The following GAB1 variants were observed in gnomAD, a reference collection of about 807,000 sequenced individuals.
GAB1 encodes the protein GRB2-associated-binding protein 1.
Under a neutral mutation model 66.5 loss-of-function variants are expected in GAB1, and 19 were observed. The observed-to-expected ratio is 0.29, with a 90% CI of 0.20 to 0.42. The LOEUF (loss-of-function observed/expected upper bound fraction) is 0.42. GAB1 is among the 10% of genes least tolerant of loss of function. The pLI, the probability that GAB1 is intolerant of heterozygous loss-of-function variation, is 1.00. For synonymous variants in GAB1, 294 were observed against 301.4 expected, an observed-to-expected ratio of 0.98 and a Z score of 0.25; for missense variants, 732 against 858.5, an observed-to-expected ratio of 0.85 and a Z score of 1.84.
At chr4:143,395,544 G>A (rs1731404676) in intron 1 of GAB1, 3 of 195,154 alleles carry the variant, frequency 1.5e-5, no homozygotes, top group Non-Finnish European at 3.2e-5. Context: ...TGTTTTCGTG[G>A]ATTAGTATTT....
intron 6 of GAB1, among the ~76,000 whole-genome samples, chr4:143,446,935 G>A (rs1295497209): frequency 1.6e-4 from 24 of 151,484 alleles, no homozygotes; most frequent in East Asian, 3.9e-4. Context: ...TAGGTCTAAC[G>A]TTTAAGTCTT....
chr4:143,423,340 T>C (rs912156298), intron 2 of GAB1, among the ~76,000 whole-genome samples: 3 of 152,138 alleles, frequency 2.0e-5, no homozygotes, highest in African/African-American at 7.2e-5. Context: ...TGTTTAAAGG[T>C]CTTTTCATGA....
At chr4:143,447,388 T>C (rs1734618860) in intron 6 of GAB1, among the ~76,000 whole-genome samples, 1 of 152,210 alleles carries the variant, frequency 6.6e-6, no homozygotes, top group Admixed American at 6.5e-5. Flanking sequence ...CCTTGGGCAG[T>C]ATGGCTGTTT....
chr4:143,446,741 A>G lies in GAB1; in HGVS notation c.1585+6359A>G, dbSNP rs1360833609. Among the ~76,000 whole-genome samples the G allele has an allele frequency of 1.6e-4, 25 of 151,668 alleles. No individual in the cohort carries two copies. In the East Asian group the frequency reaches 1.9e-3, roughly 12 times the overall value. Reference sequence around the variant, plus strand: ...TGCGAAAATTTTCTCCCATTTTGTAAGTTGCCTGTTCACTCTGATGGTAGT... The same window carrying G: ...TGCGAAAATTTTCTCCCATTTTGTAGGTTGCCTGTTCACTCTGATGGTAGT... On this transcript the variant is annotated intron_variant, in intron 6 of 9. Coordinates refer to ENST00000262994, the MANE Select transcript of GAB1 (RefSeq NM_002039.4).
rs6835173 is a variant in GAB1, at chr4:143,370,022, A to G, written c.72+32762A>G. 1.8e-3 allele frequency among the ~76,000 whole-genome samples: 273 copies of G among 152,358 alleles called. 2 individuals carry two copies. The highest frequency in any genetic ancestry group is 6.5e-3 in the African/African-American group (270 of 41,590). ...TCCCTCTTTGTCCTTGTAAGTGGTC[A>G]AACAAAAATGGCATAAGCACTCACT... On this transcript the variant is annotated intron_variant, in intron 1 of 9. Transcript: ENST00000262994.
Position 143,433,527 on chromosome 4 carries a change from C to T in GAB1, c.404C>T (p.Pro135Leu), listed in dbSNP as rs749410523. 3.7e-6 allele frequency: 6 copies of T among 1,613,944 alleles called. No individual in the cohort carries two copies. In the Admixed American group the frequency reaches 8.3e-5, roughly 22 times the overall value. The change falls in exon 3 of 10, where the codon CCA (proline) becomes CTA (leucine). Residue 135 changes from proline (P) to leucine (L), a missense_variant. Physicochemically the swap from Pro to Leu is moderately conservative, Grantham distance 98. Coordinates refer to ENST00000262994, the MANE Select transcript of GAB1 (RefSeq NM_002039.4). The part of the protein sequence containing the change: ...VKPPGSSLQA[P>L]ADLPLAINTA... ...CCACCTGGCAGCTCTTTACAAGCAC[C>T]AGCTGATTTACCTTTAGCTATAAAT...
chr4:143,453,600 G>A (rs907290072), intron 6 of GAB1, among the ~76,000 whole-genome samples: 1 of 152,106 alleles, frequency 6.6e-6, no homozygotes, highest in African/African-American at 2.4e-5. Flanking sequence ...GAAATGTAAC[G>A]ATTTTACATC....
At position 143,438,094 on chromosome 4, in the gene GAB1, A is replaced by T; in HGVS notation, c.689A>T (p.His230Leu). Residue 230 changes from histidine (H) to leucine (L), a missense_variant, in exon 4 of 10, where the codon CAT becomes CTT. By Grantham distance (99) the His-to-Leu change is moderately conservative. Around this residue, in one of 4 missense-constraint regions of GAB1, gnomAD observed 427 missense variants for 420.6 expected, o/e 1.02. Coordinates refer to ENST00000262994, the MANE Select transcript of GAB1 (RefSeq NM_002039.4). ...HKNPASSQSK[H>L]GMNGFFQQQM... is the part of the protein sequence containing the mutation. ...AATCCTGCTTCCTCCCAGAGCAAAC[A>T]TGGAATGAATGGCTTTTTTCAGCAG... 6 of 1,614,098 alleles carry T rather than the reference A, an allele frequency of 3.7e-6. No homozygotes were observed. Among genetic ancestry groups the T allele is most frequent in the Non-Finnish European group, 5.1e-6 (6 of 1,179,994 alleles).
At chr4:143,450,483 T>C (rs1348686730) in intron 6 of GAB1, among the ~76,000 whole-genome samples, 1 of 152,220 alleles carries the variant, frequency 6.6e-6, no homozygotes, top group African/African-American at 2.4e-5. Context: ...AATGCATTAA[T>C]AGATCACATC....
intron 9 of GAB1, 68 bp downstream of exon 9, chr4:143,466,293 T>A: frequency 1.4e-6 from 2 of 1,461,030 alleles, no homozygotes; most frequent in Non-Finnish European, 1.9e-6. Flanking sequence ...GAAGAATTAT[T>A]TCCTTTGGGA....
At chr4:143,338,031 G>A (rs1171258009) in intron 1 of GAB1, among the ~76,000 whole-genome samples, 2 of 152,146 alleles carry the variant, frequency 1.3e-5, no homozygotes, top group African/African-American at 2.4e-5. Flanking sequence ...TTTCAGTTGC[G>A]GTCCTTTCCC....
At chr4:143,368,824 A>G (rs1729994076) in intron 1 of GAB1, among the ~76,000 whole-genome samples, 1 of 152,018 alleles carries the variant, frequency 6.6e-6, no homozygotes, top group Admixed American at 6.6e-5. Flanking sequence ...TCTTTTTGAG[A>G]TAGAGGCTGG....
At chr4:143,387,534 C>T (rs1007525856) in intron 1 of GAB1, among the ~76,000 whole-genome samples, 9 of 152,230 alleles carry the variant, frequency 5.9e-5, no homozygotes, top group Non-Finnish European at 1.3e-4. Context: ...TGCTTACTGA[C>T]GTGAGCTTCC....
intron 1 of GAB1, among the ~76,000 whole-genome samples, chr4:143,354,664 GT>G (rs1729369494): frequency 6.6e-6 from 1 of 151,878 alleles, no homozygotes; most frequent in African/African-American, 2.4e-5. Context: ...TAATATTTTT[GT>G]TTACTTATAT....
At chr4:143,360,290 T>A (rs1161531213) in intron 1 of GAB1, among the ~76,000 whole-genome samples, 1 of 152,218 alleles carries the variant, frequency 6.6e-6, no homozygotes, top group Non-Finnish European at 1.5e-5. Context: ...TACATTCTCC[T>A]GATTCTGATT....
chr4:143,425,543 G>A, intron 2 of GAB1: 1 of 762,888 alleles, frequency 1.3e-6, no homozygotes, highest in Non-Finnish European at 2.4e-6. Flanking sequence ...GCAACAACAA[G>A]GGAGCTCACT....
At chr4:143,432,248 C>T (rs764973204) in intron 2 of GAB1, among the ~76,000 whole-genome samples, 2 of 152,174 alleles carry the variant, frequency 1.3e-5, no homozygotes, top group Non-Finnish European at 2.9e-5. Context: ...ATAATTCCCT[C>T]TAACCTCAGA....
chr4:143,423,789 A>G (rs1733154796), intron 2 of GAB1, among the ~76,000 whole-genome samples: 1 of 83,494 alleles, frequency 1.2e-5, no homozygotes, highest in African/African-American at 3.9e-5. Flanking sequence ...AAAAAAAAAA[A>G]GTGTATATAT....
chr4:143,436,388 C>T (rs1733943733), intron 3 of GAB1, among the ~76,000 whole-genome samples: 1 of 152,028 alleles, frequency 6.6e-6, no homozygotes, highest in Admixed American at 6.6e-5. Context: ...CTGTAGGGGC[C>T]CTTACTAGGT....
Sources: allele counts gnomAD v4.1 joint callset (sites outside exome capture counted in the v4.1 genomes callset), GRCh38; gene constraint gnomAD v4.1.1; regional missense constraint gnomAD v4.1.1; transcripts MANE v1.5; gene names NCBI Gene and HGNC (gene_info 2026-07-23, HGNC 2026-07-21).